Variants in C10orf90 observed in about 807,000 individuals in gnomAD.
C10orf90 encodes the protein (E2-independent) E3 ubiquitin-conjugating enzyme FATS.
Under a neutral mutation model 62.5 loss-of-function variants are expected in C10orf90, and 56 were observed. The ratio of observed to expected loss-of-function variants is 0.90; its 90% CI spans 0.72 to 1.12. The LOEUF (loss-of-function observed/expected upper bound fraction) is 1.12. Ranked by LOEUF, C10orf90 falls within the 50% of genes most tolerant of loss-of-function variation. The probability of loss-of-function intolerance (pLI) is 0.00; values close to 1 mark genes in which losing one functional copy is unlikely to be tolerated. For synonymous variants in C10orf90, 386 were observed against 340.4 expected, an observed-to-expected ratio of 1.13 and a Z score of -1.47; for missense variants, 970 against 880.4, an observed-to-expected ratio of 1.10 and a Z score of -1.29.
intron 2 of C10orf90, among the ~76,000 whole-genome samples, chr10:126,552,597 A>G (rs1864661219): frequency 6.6e-6 from 1 of 152,192 alleles, no homozygotes; most frequent in Admixed American, 6.5e-5. Flanking sequence ...TACTCACCCA[A>G]GATGCTATGC....
In C10orf90 at chr10:126,487,850, A is replaced by G. The variant is rs193009527; in HGVS notation, c.1534+16107T>C. Among the ~76,000 whole-genome samples, 51 of 152,344 alleles carry G rather than the reference A, an allele frequency of 3.3e-4. 1 individual carries two copies. The East Asian group carries it at 7.7e-3, about 23-fold the overall frequency. Reference sequence around the variant, plus strand: ...TGTGAGAATCAAAAAGCAAAACAAGATACAACTAAAACATATAATAGCAGT... The same window carrying G: ...TGTGAGAATCAAAAAGCAAAACAAGGTACAACTAAAACATATAATAGCAGT... On this transcript the variant is annotated intron_variant, in intron 4 of 9. Transcript: ENST00000488181.
chr10:126,569,373 G>A (rs1591107991), intron 2 of C10orf90, among the ~76,000 whole-genome samples: 1 of 152,102 alleles, frequency 6.6e-6, no homozygotes, highest in African/African-American at 2.4e-5. Flanking sequence ...TTATGGGGAG[G>A]AGCATGAGTG....
Position 126,649,024 on chromosome 10 carries a change from CTCTGTCTCTG to C in C10orf90, c.241-2397_241-2388del, listed in dbSNP as rs1564908983. ...GATCACAGATGATATCTCTCTCTCTCTCTGTCTCTGTCTCTCTCTCTCTCTCTCTCTCTCT... is the reference window on the plus strand; with the variant it reads ...GATCACAGATGATATCTCTCTCTCTCTCTCTCTCTCTCTCTCTCTCTCTCT... On this transcript the variant is annotated intron_variant, in intron 1 of 9. Coordinates refer to ENST00000488181, the MANE Select transcript of C10orf90 (RefSeq NM_001350921.2). Among the ~76,000 whole-genome samples the C allele has an allele frequency of 2.1e-3, 144 of 67,082 alleles. 4 individuals carry two copies. Among genetic ancestry groups the C allele is most frequent in the Middle Eastern group, 8.6e-3 (1 of 116 alleles). 44.0% of individuals were successfully genotyped at this position (67,082 alleles called of 152,430 possible).
At chr10:126,572,212 C>G (rs954244501) in intron 2 of C10orf90, among the ~76,000 whole-genome samples, 10 of 152,116 alleles carry the variant, frequency 6.6e-5, no homozygotes, top group African/African-American at 2.4e-4. Context: ...GCCTGCCAAA[C>G]CCACCAAAAC....
intron 7 of C10orf90, among the ~76,000 whole-genome samples, chr10:126,455,694 C>G (rs1590933964): frequency 6.6e-6 from 1 of 152,340 alleles, no homozygotes; most frequent in South Asian, 2.1e-4. Context: ...AAGACAGGTA[C>G]AGACTGTAGC....
intron 2 of C10orf90, among the ~76,000 whole-genome samples, chr10:126,565,420 A>ATATAT (rs1310794715): frequency 1.3e-4 from 2 of 15,822 alleles, no homozygotes; most frequent in Non-Finnish European, 1.8e-4. Context: ...TATATATTAT[A>ATATAT]TATATTATAT....
At chr10:126,437,944 T>C (rs981353492) in intron 7 of C10orf90, among the ~76,000 whole-genome samples, 1 of 152,206 alleles carries the variant, frequency 6.6e-6, no homozygotes, top group African/African-American at 2.4e-5. Flanking sequence ...TTCTCTCATA[T>C]AATTGGTATG....
intron 1 of C10orf90, among the ~76,000 whole-genome samples, chr10:126,652,060 A>G (rs1846301654): frequency 6.6e-6 from 1 of 152,184 alleles, no homozygotes; most frequent in Admixed American, 6.5e-5. Flanking sequence ...CTTTGCCGGC[A>G]TTGCATGTTT....
chr10:126,624,566 G>T (rs527955953), intron 2 of C10orf90, among the ~76,000 whole-genome samples: 4 of 152,190 alleles, frequency 2.6e-5, no homozygotes, highest in East Asian at 1.9e-4. Context: ...AACTAAGTAG[G>T]CTTCTGGGAA....
At chr10:126,621,231 C>T (rs2133815974) in intron 2 of C10orf90, among the ~76,000 whole-genome samples, 1 of 152,264 alleles carries the variant, frequency 6.6e-6, no homozygotes, top group African/African-American at 2.4e-5. Context: ...AACATATAAA[C>T]TTAGATTTTA....
At chr10:126,439,924 GC>G (rs1436851282) in intron 7 of C10orf90, among the ~76,000 whole-genome samples, 1 of 152,170 alleles carries the variant, frequency 6.6e-6, no homozygotes, top group African/African-American at 2.4e-5. Flanking sequence ...GAGTCCCCAA[GC>G]AGGCCATTCC....
Position 126,504,283 on chromosome 10 carries a change from A to C in C10orf90, c.1208T>G (p.Val403Gly). ...CSSHRLTADG[V>G]DGLVNREPIS... is the part of the protein sequence containing the mutation. ...TGGCTCTCTGTTCACTAGGCCATCT[A>C]CTCCATCTGCTGTTAATCTGTGGGA... Residue 403 changes from valine to glycine, a missense_variant, in exon 4 of 10, where the codon GTA becomes GGA. Physicochemically the swap from Val to Gly is moderately radical, Grantham distance 109. Transcript: ENST00000488181. This position sits in a 1 kb window ranked among gnomAD's most constrained non-coding sequence, Gnocchi z 4.1. The C allele has an allele frequency of 1.9e-6, 3 of 1,613,832 alleles. No homozygotes were observed. The highest frequency in any genetic ancestry group is 1.1e-5 in the South Asian group (1 of 91,046).
Position 126,595,327 on chromosome 10 carries a change from G to T in C10orf90, c.313+51238C>A, listed in dbSNP as rs1845062302. ...TGCTCCACATTGACTGATAGGTTGG[G>T]CTTTTCCACTGAGATGCAGAATGTG... On this transcript the variant is annotated intron_variant, in intron 2 of 9. Transcript: ENST00000488181. 2.0e-5 allele frequency among the ~76,000 whole-genome samples: 3 copies of T among 152,196 alleles called. No homozygotes were observed. The South Asian group carries it at 6.2e-4, about 32-fold the overall frequency.
chr10:126,539,359 C>G (rs1042808617), intron 2 of C10orf90, among the ~76,000 whole-genome samples: 10 of 152,116 alleles, frequency 6.6e-5, no homozygotes, highest in Admixed American at 2.6e-4. Flanking sequence ...GTTTATAAAA[C>G]TAAACATATG....
chr10:126,656,116 G>A (rs763727339), intron 1 of C10orf90, among the ~76,000 whole-genome samples: 26 of 152,074 alleles, frequency 1.7e-4, no homozygotes, highest in African/African-American at 2.2e-4. Context: ...CAGAAAAATC[G>A]TAGCAGCCAC....
At chr10:126,600,454 T>A (rs187011183) in intron 2 of C10orf90, among the ~76,000 whole-genome samples, 12 of 152,282 alleles carry the variant, frequency 7.9e-5, no homozygotes, top group Admixed American at 2.0e-4. Flanking sequence ...AAAAGCCAGA[T>A]GTGGTGAGGA....
intron 8 of C10orf90, among the ~76,000 whole-genome samples, chr10:126,427,309 CAGTGGGAA>C (rs1857319683): frequency 1.3e-5 from 2 of 152,238 alleles, no homozygotes; most frequent in Non-Finnish European, 2.9e-5. Flanking sequence ...CAAAGCTCTG[CAGTGGGAA>C]TTTCCTCAGA....
chr10:126,585,320 A>T (rs190032187), intron 2 of C10orf90, among the ~76,000 whole-genome samples: 1 of 143,460 alleles, frequency 7.0e-6, no homozygotes, highest in East Asian at 2.1e-4. Context: ...GAGGAAGGGG[A>T]GGAAGAGAGG....
In C10orf90 at chr10:126,605,208, A is replaced by G. The variant is rs118095760; in HGVS notation, c.313+41357T>C. 9.0e-3 allele frequency among the ~76,000 whole-genome samples: 1,377 copies of G among 152,330 alleles called. 8 individuals are homozygous for G. Among genetic ancestry groups the G allele is most frequent in the Non-Finnish European group, 0.014 (970 of 68,014 alleles). On this transcript the variant is annotated intron_variant, in intron 2 of 9. Coordinates refer to ENST00000488181, the MANE Select transcript of C10orf90 (RefSeq NM_001350921.2). ...TTGGGCCAGCAAGTCATGAATATGA[A>G]TGACCGTAAATGCCCTCAGAGGGGC...
Sources: gnomAD v4.1 joint callset for allele counts (sites outside exome capture counted in the v4.1 genomes callset) on GRCh38, gnomAD v4.1.1 for gene constraint, Gnocchi (gnomAD v3.1) non-coding constraint, MANE v1.5 for transcripts, NCBI Gene and HGNC (gene_info 2026-07-23, HGNC 2026-07-21) for gene names.